The following TRAK2 variants were observed in gnomAD, a reference collection of about 807,000 sequenced individuals.
TRAK2 encodes the protein trafficking kinesin-binding protein 2.
TRAK2 carries 81 observed loss-of-function variants against 104.6 expected under a neutral mutation model. That is an observed-to-expected ratio of 0.77 (90% CI 0.65 to 0.93). The LOEUF is 0.93. TRAK2 is among the 40% of genes least tolerant of loss of function. The pLI is 0.00. For missense variants in TRAK2, 1,002 were observed against 1,089.0 expected (o/e 0.92, Z 1.12); for synonymous variants, 406 against 394.4 (o/e 1.03, Z -0.35).
At chr2:201,429,587 C>T (rs1282462930) in intron 1 of TRAK2, among the ~76,000 whole-genome samples, 1 of 152,196 alleles carries the variant, frequency 6.6e-6, no homozygotes, top group Non-Finnish European at 1.5e-5. Flanking sequence ...CTCTAAACTT[C>T]TCTTCTCGCT....
chr2:201,405,983 C>CA (rs1304255358), intron 3 of TRAK2, among the ~76,000 whole-genome samples: 4 of 151,272 alleles, frequency 2.6e-5, no homozygotes, highest in Non-Finnish European at 4.4e-5. Context: ...GACTCCGTCT[C>CA]AAAAAAAAGA....
intron 2 of TRAK2, among the ~76,000 whole-genome samples, chr2:201,410,146 A>C (rs1951631985): frequency 6.6e-6 from 1 of 152,076 alleles, no homozygotes; most frequent in African/African-American, 2.4e-5. Context: ...AAACACACAC[A>C]AAAAAATTAG....
rs1029265376 is a variant in TRAK2, at chr2:201,422,243, G to GA, written c.-199-1538dup. Among the ~76,000 whole-genome samples the GA allele has an allele frequency of 5.4e-5, 8 of 149,280 alleles. No homozygotes were observed. In the East Asian group the frequency reaches 7.8e-4, roughly 15 times the overall value. On this transcript the variant is annotated intron_variant, in intron 1 of 15. Transcript: ENST00000332624. ...TGCCCATACGGTATTGGTTTGGGGG[G>GA]AAAAAAAAAGCACATACCACACAAC...
chr2:201,402,361 A>C (rs1242470625), intron 3 of TRAK2, among the ~76,000 whole-genome samples: 1 of 152,094 alleles, frequency 6.6e-6, no homozygotes, highest in East Asian at 1.9e-4. Flanking sequence ...CACTGACTAA[A>C]ATGAATCTGG....
At chr2:201,381,718 T>A (rs1238095104) in intron 15 of TRAK2, among the ~76,000 whole-genome samples, 1 of 152,124 alleles carries the variant, frequency 6.6e-6, no homozygotes, top group Non-Finnish European at 1.5e-5. Flanking sequence ...TGAAAACTCT[T>A]CTGGGAGAAG....
chr2:201,411,161 CA>C, intron 2 of TRAK2: 1 of 758,482 alleles, frequency 1.3e-6, no homozygotes. Context: ...ACATATTATC[CA>C]TCAATGTGTC....
In TRAK2 at chr2:201,377,238, G is replaced by C. The variant is rs377562297; in HGVS notation, c.*3305C>G. 6.6e-6 allele frequency: 1 copy of C among 152,194 alleles called. No individual in the cohort carries two copies. The highest frequency in any genetic ancestry group is 1.9e-4 in the East Asian group (1 of 5,194). The allele number at this position is 152,194 out of a possible 1,614,324, so 9.4% of individuals were successfully genotyped here. On this transcript the variant is annotated 3_prime_UTR_variant, in exon 16 of 16. Transcript: ENST00000332624. ...TTCAAGCTACTCATGTTTATTAACT[G>C]ATCTACATTTGACAAAACAAAGATA...
At chr2:201,427,239 A>G (rs147822513) in intron 1 of TRAK2, among the ~76,000 whole-genome samples, 14 of 152,266 alleles carry the variant, frequency 9.2e-5, no homozygotes, top group Middle Eastern at 3.4e-3. Context: ...TTTGTTACAT[A>G]TGTATATATG....
chr2:201,381,327 C>A lies in TRAK2; in HGVS notation c.2070-109G>T, dbSNP rs527604943. The A allele has an allele frequency of 2.0e-5, 21 of 1,035,056 alleles. No individual in the cohort carries two copies. The Middle Eastern group carries it at 1.5e-3, about 72-fold the overall frequency. The allele number at this position is 1,035,056 out of a possible 1,614,324, so 64.1% of individuals were successfully genotyped here. On this transcript the variant is annotated intron_variant, in intron 15 of 15. Coordinates refer to ENST00000332624, the MANE Select transcript of TRAK2 (RefSeq NM_015049.3). The stretch of plus-strand genomic sequence containing the variant: ...GTTATCCTTGGTAAATATAAAGTAA[C>A]AGGCAACAAACACATCCGTAACTGT...
chr2:201,436,993 G>A (rs539013116), intron 1 of TRAK2, among the ~76,000 whole-genome samples: 1 of 152,232 alleles, frequency 6.6e-6, no homozygotes, highest in South Asian at 2.1e-4. Context: ...TACTAGGCGA[G>A]AGACTTTCTA....
At chr2:201,440,273 C>T (rs573412550) in intron 1 of TRAK2, among the ~76,000 whole-genome samples, 2 of 152,124 alleles carry the variant, frequency 1.3e-5, no homozygotes, top group African/African-American at 2.4e-5. Flanking sequence ...CACTGTGAGG[C>T]TATCAACTAC....
At chr2:201,416,524 T>G (rs1282764828) in intron 2 of TRAK2, among the ~76,000 whole-genome samples, 2 of 152,148 alleles carry the variant, frequency 1.3e-5, no homozygotes, top group African/African-American at 4.8e-5. Flanking sequence ...GAATGGGAAC[T>G]TCATTCAACA....
intron 1 of TRAK2, chr2:201,433,662 G>C (rs1951860359): frequency 6.6e-6 from 1 of 152,210 alleles, no homozygotes; most frequent in Non-Finnish European, 1.5e-5. Context: ...AACAGGAAAA[G>C]GGCGGTAACC....
intron 2 of TRAK2, among the ~76,000 whole-genome samples, 191 bp from the exon 3 acceptor site, chr2:201,407,788 T>C (rs1951608697): frequency 6.6e-6 from 1 of 152,266 alleles, no homozygotes; most frequent in South Asian, 2.1e-4. Context: ...TTTTTTCTTT[T>C]AGTAAGAGAA....
intron 3 of TRAK2, among the ~76,000 whole-genome samples, chr2:201,407,130 A>G: frequency 6.6e-6 from 1 of 152,234 alleles, no homozygotes; most frequent in Admixed American, 6.5e-5. Flanking sequence ...TTGCTTTTTA[A>G]AAAGTTCCCT....
At chr2:201,413,308 T>C in intron 2 of TRAK2, 2 of 1,233,684 alleles carry the variant, frequency 1.6e-6, no homozygotes, top group East Asian at 2.4e-5. Flanking sequence ...ATGGACTCCA[T>C]GGCTGCAATA....
At chr2:201,395,148 A>G in intron 8 of TRAK2, 166 bp downstream of exon 8, 1 of 641,800 alleles carries the variant, frequency 1.6e-6, no homozygotes, top group Non-Finnish European at 2.6e-6. Context: ...GTATTTATTC[A>G]TGATATCTTA....
chr2:201,404,881 A>C (rs950031437), intron 3 of TRAK2, among the ~76,000 whole-genome samples: 7 of 152,232 alleles, frequency 4.6e-5, no homozygotes, highest in African/African-American at 1.4e-4. Context: ...ACCCTAAAGC[A>C]GTGACCACAG....
chr2:201,384,226 A>AT lies in TRAK2; in HGVS notation c.1964-11dup. The stretch of plus-strand genomic sequence containing the variant: ...GGGTTGGCGGTTGCAACTGAAATAG[A>AT]TTTTTAGGGAGCAAATACAAGATTG... On this transcript the variant is annotated splice_polypyrimidine_tract_variant and intron_variant, in intron 14 of 15. Transcript: ENST00000332624. 6.2e-7 allele frequency: 1 copy of AT among 1,600,946 alleles called. No individual in the cohort carries two copies. Among genetic ancestry groups the AT allele is most frequent in the South Asian group, 1.1e-5 (1 of 89,846 alleles).
Sources: allele counts gnomAD v4.1 joint callset (sites outside exome capture counted in the v4.1 genomes callset), GRCh38; gene constraint gnomAD v4.1.1; transcripts MANE v1.5; gene names NCBI Gene and HGNC (gene_info 2026-07-23, HGNC 2026-07-21).